Variants in UPF2 observed in about 807,000 individuals in gnomAD.
The protein encoded by UPF2 is UPF2 regulator of nonsense mediated mRNA decay, also known as regulator of nonsense transcripts 2.
Under a neutral mutation model 141.4 loss-of-function variants are expected in UPF2, and 17 were observed. That is an observed-to-expected ratio of 0.12 (90% CI 0.08 to 0.18). The LOEUF is 0.18. UPF2 is among the 10% of genes least tolerant of loss of function. The pLI is 1.00. For synonymous variants in UPF2, 540 were observed against 498.0 expected (o/e 1.08, Z -1.12); for missense variants, 1,152 against 1,515.9 (o/e 0.76, Z 3.99).
chr10:12,041,097 T>C (rs935040792), intron 1 of UPF2, among the ~76,000 whole-genome samples: 5 of 152,194 alleles, frequency 3.3e-5, no homozygotes, highest in African/African-American at 1.2e-4. Context: ...TTCACCTCAA[T>C]ACACGTTTGT....
At chr10:12,036,307 A>T (rs374829988) in intron 1 of UPF2, among the ~76,000 whole-genome samples, 1 of 152,340 alleles carries the variant, frequency 6.6e-6, no homozygotes, top group East Asian at 1.9e-4. Context: ...TTGACAACCA[A>T]ATATAACTCC....
chr10:12,027,875 G>C (rs1834448403), intron 3 of UPF2, among the ~76,000 whole-genome samples: 1 of 152,094 alleles, frequency 6.6e-6, no homozygotes, highest in Non-Finnish European at 1.5e-5. Flanking sequence ...ACAAATTTCT[G>C]ATCAACAGTA....
At chr10:11,938,865 T>TTTTTTTTTTTTTTTTTTTTTTTTTTTTTG (rs1588527808) in intron 18 of UPF2, among the ~76,000 whole-genome samples, 1 of 87,402 alleles carries the variant, frequency 1.1e-5, no homozygotes, top group Admixed American at 1.7e-4. Flanking sequence ...TTTTTTTTTT[T>TTTTTTTTTTTTTTTTTTTTTTTTTTTTTG]TTTTTTTTTT....
chr10:11,960,029 G>A (rs760070528), intron 11 of UPF2, among the ~76,000 whole-genome samples: 4 of 152,076 alleles, frequency 2.6e-5, no homozygotes, highest in Non-Finnish European at 5.9e-5. Flanking sequence ...GTCACTCACC[G>A]TCTACTTCAT....
At chr10:11,925,464 C>A (rs543680583) in intron 21 of UPF2, among the ~76,000 whole-genome samples, 112 of 152,362 alleles carry the variant, frequency 7.4e-4, no homozygotes, top group African/African-American at 2.6e-3. Context: ...GTGAAAAGTT[C>A]TTTTGTCCAT....
intron 1 of UPF2, among the ~76,000 whole-genome samples, chr10:12,038,710 A>C (rs1256870590): frequency 6.6e-6 from 1 of 152,030 alleles, no homozygotes; most frequent in Non-Finnish European, 1.5e-5. Flanking sequence ...GTCTGGGCAA[A>C]AGACGGAGAC....
intron 3 of UPF2, among the ~76,000 whole-genome samples, chr10:12,024,600 A>G (rs1414750296): frequency 6.6e-6 from 1 of 151,352 alleles, no homozygotes; most frequent in Non-Finnish European, 1.5e-5. Flanking sequence ...ACACAGGGAA[A>G]CCCCGTCTCG....
rs1834473575 is a variant in UPF2, at chr10:12,029,272, T to C, written c.618A>G (p.Val206=). 1 of 1,614,104 alleles carries C rather than the reference T, an allele frequency of 6.2e-7. No individual in the cohort carries two copies. Among genetic ancestry groups the C allele is most frequent in the Admixed American group, 1.7e-5 (1 of 60,010 alleles). ...TTAGTTTTGCTTCCACGATGGAAGC[T>C]ACAGCTTCTGCAATGTATTTGCTTA... ...LNLSKYIAEA[V]ASIVEAKLKI... is the part of the protein sequence containing the mutation. The change falls in exon 3 of 22, where the codon GTA becomes GTG. Residue 206 remains valine, a synonymous_variant. Transcript: ENST00000357604.
intron 16 of UPF2, among the ~76,000 whole-genome samples, chr10:11,944,562 T>C (rs889615274): frequency 1.3e-5 from 2 of 152,222 alleles, no homozygotes; most frequent in Non-Finnish European, 2.9e-5. Context: ...TTTTCTGAAT[T>C]AATTTTATAA....
intron 15 of UPF2, among the ~76,000 whole-genome samples, chr10:11,948,848 T>A (rs1833038125): frequency 6.6e-6 from 1 of 152,096 alleles, no homozygotes; most frequent in Non-Finnish European, 1.5e-5. Flanking sequence ...AGGTACAGTC[T>A]CAGCCATATG....
chr10:11,963,553 G>A (rs1003046877), intron 11 of UPF2, among the ~76,000 whole-genome samples: 22 of 152,156 alleles, frequency 1.4e-4, no homozygotes, highest in African/African-American at 5.1e-4. Context: ...GCCAAGGCTG[G>A]TATTTTGTAA....
At chr10:11,930,963 C>T (rs112924853) in intron 20 of UPF2, among the ~76,000 whole-genome samples, 92 of 152,230 alleles carry the variant, frequency 6.0e-4, no homozygotes, top group African/African-American at 1.9e-3. Context: ...AACACCAAAA[C>T]GCTAGCCTAT....
intron 9 of UPF2, among the ~76,000 whole-genome samples, chr10:11,970,537 C>G (rs1467538222): frequency 6.6e-6 from 1 of 152,058 alleles, no homozygotes; most frequent in African/African-American, 2.4e-5. Context: ...ACTGGCTGGG[C>G]ATGGTGGCTC....
At chr10:11,973,374 A>G (rs1167375188) in intron 9 of UPF2, among the ~76,000 whole-genome samples, 1 of 152,126 alleles carries the variant, frequency 6.6e-6, no homozygotes, top group Non-Finnish European at 1.5e-5. Flanking sequence ...GCTGTGCAGA[A>G]GCTCTTTAGT....
At chr10:12,036,165 G>A (rs930872773) in intron 1 of UPF2, among the ~76,000 whole-genome samples, 1 of 152,172 alleles carries the variant, frequency 6.6e-6, no homozygotes, top group African/African-American at 2.4e-5. Context: ...GGTTTCTAAA[G>A]TTCAGCACCA....
intron 21 of UPF2, among the ~76,000 whole-genome samples, chr10:11,922,812 T>C (rs987193244): frequency 1.3e-5 from 2 of 152,234 alleles, no homozygotes; most frequent in African/African-American, 2.4e-5. Context: ...CAGACTCTAC[T>C]TAAGATAGGT....
intron 12 of UPF2, among the ~76,000 whole-genome samples, chr10:11,958,085 C>A (rs1833181907): frequency 2.6e-5 from 4 of 152,150 alleles, no homozygotes; most frequent in Admixed American, 2.6e-4. Context: ...TGCAGTGGCT[C>A]ACACCTGTAA....
intron 21 of UPF2, among the ~76,000 whole-genome samples, chr10:11,926,483 C>T (rs912163105): frequency 5.3e-5 from 8 of 152,176 alleles, no homozygotes; most frequent in Admixed American, 2.0e-4. Context: ...GGCAGGGAAG[C>T]GCAGAAAGGA....
rs1230421617 is a variant in UPF2 at position 11,929,961 on chromosome 10, C to T, written c.3713G>A (p.Arg1238His). 7 of 1,613,978 alleles carry T rather than the reference C, an allele frequency of 4.3e-6. No homozygotes were observed. Among genetic ancestry groups the T allele is most frequent in the South Asian group, 3.3e-5 (3 of 91,068 alleles). The part of the protein sequence containing the change: ...YQEMLQSLAQ[R>H]PAPANTNRER... The stretch of plus-strand genomic sequence containing the variant: ...ACGATTGGTGTTTGCTGGAGCTGGG[C>T]GCTGTGCAAGAGACTGCAACATTTC... The change falls in exon 21 of 22, where the codon CGC becomes CAC. Residue 1238 changes from arginine (R) to histidine (H), a missense_variant. Coordinates refer to ENST00000357604, the MANE Select transcript of UPF2 (RefSeq NM_015542.4).
Sources: allele counts gnomAD v4.1 joint callset (sites outside exome capture counted in the v4.1 genomes callset), GRCh38; gene constraint gnomAD v4.1.1; transcripts MANE v1.5; gene names NCBI Gene and HGNC (gene_info 2026-07-23, HGNC 2026-07-21).